CDH13: variants seen among roughly 807,000 people sequenced by gnomAD.
CDH13 encodes the protein cadherin-13.
Under a neutral mutation model 63.8 loss-of-function variants are expected in CDH13, and 24 were observed. That is an observed-to-expected ratio of 0.38 (90% CI 0.27 to 0.53). The LOEUF (loss-of-function observed/expected upper bound fraction) is 0.53, where lower values mean the gene tolerates loss of function less well. Among genes scored for constraint, CDH13 ranks in the 20% least tolerant of loss-of-function variants. CDH13 has a pLI of 0.85. For synonymous variants in CDH13, 503 were observed against 355.3 expected, an observed-to-expected ratio of 1.42 and a Z score of -4.67; for missense variants, 1,049 against 903.1, an observed-to-expected ratio of 1.16 and a Z score of -2.07.
At chr16:82,639,318 G>C in intron 1 of CDH13, 1 of 1,417,770 alleles carries the variant, frequency 7.1e-7, no homozygotes. Context: ...TCAGCCCGGG[G>C]TCATTTGTGT....
intron 3 of CDH13, among the ~76,000 whole-genome samples, chr16:83,051,699 T>A (rs1050012539): frequency 5.1e-4 from 78 of 152,344 alleles, no homozygotes; most frequent in African/African-American, 1.8e-3. Flanking sequence ...AACCTCTGCT[T>A]ATGGACCACA....
intron 7 of CDH13, among the ~76,000 whole-genome samples, chr16:83,573,584 G>A (rs960698494): frequency 6.6e-6 from 1 of 152,036 alleles, no homozygotes; most frequent in Admixed American, 6.5e-5. Flanking sequence ...TTAACAAAGG[G>A]GCCTATGCAC....
intron 4 of CDH13, among the ~76,000 whole-genome samples, chr16:83,137,061 G>A (rs936272988): frequency 6.6e-6 from 1 of 152,212 alleles, no homozygotes; most frequent in East Asian, 1.9e-4. Context: ...CACTGGAAGG[G>A]GTCAGGGGGC....
chr16:83,275,673 G>A (rs938164266), intron 5 of CDH13, among the ~76,000 whole-genome samples: 2 of 152,132 alleles, frequency 1.3e-5, no homozygotes, highest in African/African-American at 2.4e-5. Flanking sequence ...GAAGATAAGG[G>A]GGGGCCTGCT....
At chr16:83,511,585 T>C (rs1214682618) in intron 7 of CDH13, among the ~76,000 whole-genome samples, 1 of 152,162 alleles carries the variant, frequency 6.6e-6, no homozygotes, top group South Asian at 2.1e-4. Context: ...GTGAACAAAA[T>C]TGAGTAAATT....
intron 5 of CDH13, among the ~76,000 whole-genome samples, chr16:83,325,817 A>G (rs1179587761): frequency 1.3e-5 from 2 of 152,134 alleles, no homozygotes; most frequent in Non-Finnish European, 2.9e-5. Context: ...AACACACTCT[A>G]TCTCATCACT....
chr16:83,461,599 A>C (rs2151525214), intron 6 of CDH13, among the ~76,000 whole-genome samples: 1 of 152,300 alleles, frequency 6.6e-6, no homozygotes, highest in East Asian at 1.9e-4. Context: ...CCTTCTGTAC[A>C]AGTGTCTGCC....
intron 5 of CDH13, among the ~76,000 whole-genome samples, chr16:83,231,884 C>T (rs1361423626): frequency 2.6e-5 from 4 of 152,174 alleles, no homozygotes; most frequent in Admixed American, 6.5e-5. Flanking sequence ...CTGAATGGTT[C>T]AGTGTCATCC....
intron 12 of CDH13, among the ~76,000 whole-genome samples, chr16:83,782,794 G>C (rs943453179): frequency 6.6e-6 from 1 of 151,234 alleles, no homozygotes; most frequent in African/African-American, 2.4e-5. Context: ...CCATCTCCAT[G>C]ATAACACATT....
intron 3 of CDH13, among the ~76,000 whole-genome samples, chr16:83,100,058 C>T (rs1335828251): frequency 6.6e-6 from 1 of 152,106 alleles, no homozygotes; most frequent in Non-Finnish European, 1.5e-5. Flanking sequence ...TTTCATTGCT[C>T]CACATAGGCT....
chr16:82,641,961 C>A (rs992868455), intron 1 of CDH13, among the ~76,000 whole-genome samples: 1 of 152,100 alleles, frequency 6.6e-6, no homozygotes, highest in African/African-American at 2.4e-5. Context: ...ATGGCGCTTG[C>A]CTTCGCTGTT....
intron 6 of CDH13, among the ~76,000 whole-genome samples, chr16:83,431,161 G>T (rs556716555): frequency 1.3e-5 from 2 of 151,856 alleles, no homozygotes; most frequent in African/African-American, 4.8e-5. Context: ...CATTTTTTAT[G>T]GCTGCATAGT....
At chr16:82,973,280 T>G (rs1256841647) in intron 2 of CDH13, among the ~76,000 whole-genome samples, 1 of 152,208 alleles carries the variant, frequency 6.6e-6, no homozygotes, top group African/African-American at 2.4e-5. Flanking sequence ...TCTGCATCCC[T>G]CCTCTTTGCC....
chr16:83,651,787 G>A (rs181642207), intron 8 of CDH13, among the ~76,000 whole-genome samples: 173 of 151,862 alleles, frequency 1.1e-3, no homozygotes, highest in African/African-American at 4.0e-3. Context: ...GTAGAGACAG[G>A]GTTTCACCAT....
intron 3 of CDH13, among the ~76,000 whole-genome samples, chr16:83,041,096 A>G (rs1004652666): frequency 6.6e-6 from 1 of 152,248 alleles, no homozygotes; most frequent in Admixed American, 6.5e-5. Context: ...GGCAGTATTT[A>G]AAAGTTCATT....
chr16:83,655,924 C>T (rs1017433119), intron 8 of CDH13, among the ~76,000 whole-genome samples: 8 of 152,162 alleles, frequency 5.3e-5, no homozygotes, highest in South Asian at 2.1e-4. Context: ...ATTACCTGAG[C>T]GGAGCTTCTG....
chr16:83,704,214 G>T (rs538442231), intron 10 of CDH13, among the ~76,000 whole-genome samples: 1 of 152,188 alleles, frequency 6.6e-6, no homozygotes, highest in African/African-American at 2.4e-5. Context: ...GGGATAGAAA[G>T]GTGTTTTCAA....
chr16:83,506,441 A>G (rs569615351), intron 7 of CDH13, among the ~76,000 whole-genome samples: 1 of 152,290 alleles, frequency 6.6e-6, no homozygotes, highest in East Asian at 1.9e-4. Context: ...CCTTGATCCA[A>G]ACTACAGTCT....
At chr16:83,751,040 G>A (rs1913040270) in intron 11 of CDH13, among the ~76,000 whole-genome samples, 2 of 151,946 alleles carry the variant, frequency 1.3e-5, no homozygotes, top group Admixed American at 6.5e-5. Flanking sequence ...TGGGAAGTTG[G>A]TCAGCATTAG....
Sources: allele counts gnomAD v4.1 joint callset (sites outside exome capture counted in the v4.1 genomes callset), GRCh38; gene constraint gnomAD v4.1.1; transcripts MANE v1.5; gene names NCBI Gene and HGNC (gene_info 2026-07-23, HGNC 2026-07-21).